The following CYP27C1 variants were observed in gnomAD, a reference collection of about 807,000 sequenced individuals.
CYP27C1 encodes cytochrome P450 27C1.
In CYP27C1, 29 loss-of-function variants were observed where a neutral mutation model predicts 40.6. The observed-to-expected ratio is 0.71, with a 90% CI of 0.53 to 0.97. The LOEUF is 0.97. Among genes scored for constraint, CYP27C1 ranks in the 50% least tolerant of loss-of-function variants. The pLI, the probability that CYP27C1 is intolerant of heterozygous loss-of-function variation, is 0.00. For missense variants in CYP27C1, 390 were observed against 485.8 expected, an observed-to-expected ratio of 0.80 and a Z score of 1.85; for synonymous variants, 198 against 186.8, an observed-to-expected ratio of 1.06 and a Z score of -0.49.
intron 1 of CYP27C1, among the ~76,000 whole-genome samples, chr2:127,215,583 A>G (rs558256932): frequency 1.2e-4 from 18 of 152,236 alleles, no homozygotes; most frequent in African/African-American, 4.3e-4. Context: ...AGAAAGTGAA[A>G]ACAAGGCCGG....
chr2:127,197,876 A>T, intron 5 of CYP27C1, among the ~76,000 whole-genome samples: 1 of 150,818 alleles, frequency 6.6e-6, no homozygotes, highest in African/African-American at 2.4e-5. Flanking sequence ...CCCCCGGACC[A>T]TGCCACCCCC....
At position 127,195,313 on chromosome 2, in the gene CYP27C1, C is replaced by T. The variant is rs763219322; in HGVS notation, c.1214+22G>A. On this transcript the variant is annotated intron_variant, in intron 6 of 8. Transcript: ENST00000664447. This position sits in a 1 kb window ranked among gnomAD's most constrained non-coding sequence, Gnocchi z 6.2. ...GGACCTAAGGGACACAGTTTGTTGA[C>T]GGATTCTGGCGAGCCTTTTACCTCA... The T allele has an allele frequency of 1.5e-5, 24 of 1,613,530 alleles. No homozygotes were observed. Among genetic ancestry groups the T allele is most frequent in the South Asian group, 6.6e-5 (6 of 91,014 alleles).
chr2:127,188,111 T>TG (rs916742746), intron 8 of CYP27C1, among the ~76,000 whole-genome samples: 5 of 152,154 alleles, frequency 3.3e-5, no homozygotes, highest in Admixed American at 1.3e-4. Flanking sequence ...GACAGGCTCC[T>TG]GGGGGGAGGA....
At chr2:127,188,491 G>A (rs775632073) in intron 8 of CYP27C1, among the ~76,000 whole-genome samples, 3 of 151,514 alleles carry the variant, frequency 2.0e-5, no homozygotes, top group Admixed American at 6.6e-5. Context: ...TCCCACCTCC[G>A]CCTCCCCAAG....
Position 127,185,268 on chromosome 2 carries a change from GCC to G in CYP27C1, c.*2001_*2002del. 6.6e-6 allele frequency: 1 copy of G among 152,314 alleles called. No homozygotes were observed. Among genetic ancestry groups the G allele is most frequent in the African/African-American group, 2.4e-5 (1 of 41,542 alleles). 9.4% of individuals were successfully genotyped at this position (152,314 alleles called of 1,614,324 possible). A position where few individuals can be genotyped will look rare whatever the true frequency, so the allele number is the denominator to read the frequency against. ...ACTTCCTGCTACATCACACCAGGAG[GCC>G]CCCGTGTCTGGCTGCTTCCCTTCCT... is the stretch of plus-strand genomic sequence containing the variant. On this transcript the variant is annotated 3_prime_UTR_variant, in exon 9 of 9. Coordinates refer to ENST00000664447, the MANE Select transcript of CYP27C1 (RefSeq NM_001367502.1). This position sits in a 1 kb window ranked among gnomAD's most constrained non-coding sequence, Gnocchi z 4.9.
intron 3 of CYP27C1, 123 bp downstream of exon 3, chr2:127,203,249 C>T: frequency 1.9e-6 from 2 of 1,056,342 alleles, no homozygotes; most frequent in East Asian, 4.8e-5. Flanking sequence ...GTGGAGGTGA[C>T]ATGCATGTAT....
In CYP27C1 at chr2:127,195,198, A is replaced by G; in HGVS notation, c.1214+137T>C. On this transcript the variant is annotated intron_variant, in intron 6 of 8. Transcript: ENST00000664447. This position sits in a 1 kb window ranked among gnomAD's most constrained non-coding sequence, Gnocchi z 6.2. Reference sequence around the variant, plus strand: ...ATGGTCTTTCTGCTATTCTGACAAGAGCAGAGAAAAAATAACAGTCACGAA... The same window carrying G: ...ATGGTCTTTCTGCTATTCTGACAAGGGCAGAGAAAAAATAACAGTCACGAA... 9.6e-7 allele frequency: 1 copy of G among 1,037,044 alleles called. No homozygotes were observed. Among genetic ancestry groups the G allele is most frequent in the Non-Finnish European group, 1.4e-6 (1 of 705,774 alleles). The allele number at this position is 1,037,044 out of a possible 1,614,324, so 64.2% of individuals were successfully genotyped here. A position where few individuals can be genotyped will look rare whatever the true frequency, so the allele number is the denominator to read the frequency against.
chr2:127,208,839 A>T lies in CYP27C1; in HGVS notation c.283-2749T>A, dbSNP rs1473449162. On this transcript the variant is annotated intron_variant, in intron 1 of 8. Transcript: ENST00000664447. The surrounding 1 kb of genome is among the most constrained non-coding windows in gnomAD (Gnocchi z 5.2). ...AACAATTCCAGTCAGAGGCTCGGGG[A>T]CAGAACTCTGATCTCCCTGGGCCTG... 1.3e-5 allele frequency among the ~76,000 whole-genome samples: 2 copies of T among 151,960 alleles called. No homozygotes were observed. Among genetic ancestry groups the T allele is most frequent in the Non-Finnish European group, 2.9e-5 (2 of 67,948 alleles).
In CYP27C1 at chr2:127,200,290, T is replaced by A. The variant is rs1228017505; in HGVS notation, c.884-751A>T. Among the ~76,000 whole-genome samples the A allele has an allele frequency of 7.9e-5, 12 of 152,204 alleles. No individual in the cohort carries two copies. The highest frequency in any genetic ancestry group is 4.4e-5 in the Non-Finnish European group (3 of 68,034). On this transcript the variant is annotated intron_variant, in intron 4 of 8. Coordinates refer to ENST00000664447, the MANE Select transcript of CYP27C1 (RefSeq NM_001367502.1). The surrounding 1 kb of genome is among the most constrained non-coding windows in gnomAD (Gnocchi z 4.2). ...CCACTGCACCCAGCCTAAATATTGA[T>A]CTTGAAAAGACACCATGAAACACTT...
At chr2:127,189,708 T>C (rs1172954915) in intron 8 of CYP27C1, among the ~76,000 whole-genome samples, 1 of 152,172 alleles carries the variant, frequency 6.6e-6, no homozygotes, top group Non-Finnish European at 1.5e-5. Flanking sequence ...TTATCAATTA[T>C]CTTTTGGGAT....
intron 1 of CYP27C1, among the ~76,000 whole-genome samples, chr2:127,207,936 C>G (rs1362991439): frequency 6.6e-6 from 1 of 152,176 alleles, no homozygotes; most frequent in Non-Finnish European, 1.5e-5. Context: ...CAATCCCTAT[C>G]ATAATTCCAG....
In CYP27C1 at chr2:127,219,678, G is replaced by A. The variant is rs1452328852; in HGVS notation, c.282+311C>T. On this transcript the variant is annotated intron_variant, in intron 1 of 8. Transcript: ENST00000664447. The surrounding 1 kb of genome is among the most constrained non-coding windows in gnomAD (Gnocchi z 8.7). ...CGTTCCTCAGCTCCCTCTGCCTGCTGCCCCTCTCCGGGGTCCGCTTCCCGA... is the reference window on the plus strand; with the variant it reads ...CGTTCCTCAGCTCCCTCTGCCTGCTACCCCTCTCCGGGGTCCGCTTCCCGA... Among the ~76,000 whole-genome samples, 2 of 151,368 alleles carry A rather than the reference G, an allele frequency of 1.3e-5. No homozygotes were observed. Among genetic ancestry groups the A allele is most frequent in the African/African-American group, 4.9e-5 (2 of 41,142 alleles).
chr2:127,204,319 A>AGGG (rs1294942607), intron 2 of CYP27C1, among the ~76,000 whole-genome samples: 15 of 62,674 alleles, frequency 2.4e-4, no homozygotes, highest in African/African-American at 5.0e-4. Flanking sequence ...GGAAGGAAGG[A>AGGG]AGGAGGGAGG....
chr2:127,201,750 G>A lies in CYP27C1; in HGVS notation c.674-419C>T, dbSNP rs1016635289. ...ACACCCTCCTCTCAGGAAGGAGTCG[G>A]CAAACCTCACATGGCCTCTCCCTGC... On this transcript the variant is annotated intron_variant, in intron 3 of 8. Transcript: ENST00000664447. This position sits in a 1 kb window ranked among gnomAD's most constrained non-coding sequence, Gnocchi z 6.0. 6.6e-6 allele frequency among the ~76,000 whole-genome samples: 1 copy of A among 152,142 alleles called. No homozygotes were observed. The highest frequency in any genetic ancestry group is 1.5e-5 in the Non-Finnish European group (1 of 68,036).
At position 127,205,898 on chromosome 2, in the gene CYP27C1, A is replaced by C; in HGVS notation, c.473+2T>G. 30 of 284,490 alleles carry C rather than the reference A, an allele frequency of 1.1e-4. No individual in the cohort carries two copies. Among genetic ancestry groups the C allele is most frequent in the Middle Eastern group, 1.8e-3 (1 of 560 alleles). The allele number at this position is 284,490 out of a possible 1,614,324, so 17.6% of individuals were successfully genotyped here. On this transcript the variant is annotated splice_donor_variant, in intron 2 of 8. Transcript: ENST00000664447. LOFTEE classifies it high-confidence loss of function. ...TGGCTCAGCCCGGGCCCACATACTC[A>C]CGCCGAGATGAGCCCGGTGGCTCTC...
In CYP27C1 at chr2:127,188,899, T is replaced by A. The variant is rs142303065; in HGVS notation, c.1498-1512A>T. Among the ~76,000 whole-genome samples, 55 of 152,236 alleles carry A rather than the reference T, an allele frequency of 3.6e-4. No homozygotes were observed. The East Asian group carries it at 7.3e-3, about 20-fold the overall frequency. On this transcript the variant is annotated intron_variant, in intron 8 of 8. Transcript: ENST00000664447. ...GCGGAACTCATGCCTTTGTCACTAT[T>A]AAAGAAATGAGCTGAACAGCATGTT... is the stretch of plus-strand genomic sequence containing the variant.
At chr2:127,191,594 G>T (rs1682776380) in intron 8 of CYP27C1, among the ~76,000 whole-genome samples, 1 of 152,222 alleles carries the variant, frequency 6.6e-6, no homozygotes, top group Non-Finnish European at 1.5e-5. Flanking sequence ...GATGAGAACA[G>T]CTTCCACTTC....
rs183276956 is a variant in CYP27C1 at position 127,189,092 on chromosome 2, G to A, written c.1498-1705C>T. On this transcript the variant is annotated intron_variant, in intron 8 of 8. Coordinates refer to ENST00000664447, the MANE Select transcript of CYP27C1 (RefSeq NM_001367502.1). The stretch of plus-strand genomic sequence containing the variant: ...TAACTTCAAGGCCATCGTGCCACAC[G>A]GTATTTTTTCTTTTCTGAGTGGTTT... Among the ~76,000 whole-genome samples the A allele has an allele frequency of 9.0e-4, 137 of 151,880 alleles. 1 individual carries two copies. Among genetic ancestry groups the A allele is most frequent in the Non-Finnish European group, 3.5e-4 (24 of 67,974 alleles).
intron 4 of CYP27C1, among the ~76,000 whole-genome samples, chr2:127,199,851 ACT>A (rs1479325540): frequency 6.6e-6 from 1 of 152,128 alleles, no homozygotes; most frequent in Non-Finnish European, 1.5e-5. Context: ...CAAAATGCAA[ACT>A]CTTTTATTTT....
Sources: gnomAD v4.1 joint callset for allele counts (sites outside exome capture counted in the v4.1 genomes callset) on GRCh38, gnomAD v4.1.1 for gene constraint, Gnocchi (gnomAD v3.1) non-coding constraint, MANE v1.5 for transcripts, NCBI Gene and HGNC (gene_info 2026-07-23, HGNC 2026-07-21) for gene names.